The following GAREM2 variants were observed in gnomAD, a reference collection of about 807,000 sequenced individuals.
GAREM2 encodes GRB2-associated and regulator of MAPK protein 2.
GAREM2 carries 30 observed loss-of-function variants against 55.6 expected under a neutral mutation model. That is an observed-to-expected ratio of 0.54 (90% CI 0.40 to 0.73). The LOEUF (loss-of-function observed/expected upper bound fraction) is 0.73, where lower values mean the gene tolerates loss of function less well. Among genes scored for constraint, GAREM2 ranks in the 30% least tolerant of loss-of-function variants. The probability of loss-of-function intolerance (pLI) is 0.00; values close to 1 mark genes in which losing one functional copy is unlikely to be tolerated. For missense variants in GAREM2, 1,075 were observed against 1,257.7 expected (o/e 0.85, Z 2.20); for synonymous variants, 550 against 569.1 (o/e 0.97, Z 0.48).
At chr2:26,191,437 G>A (rs766306913), downstream of GAREM2, 59 of 1,614,004 alleles carry the variant, frequency 3.7e-5, no homozygotes, top group South Asian at 1.3e-4. Context: ...GACGCAACAC[G>A]GGCTCCAGGC....
chr2:26,174,835 G>C (rs909995249), intron 1 of GAREM2, among the ~76,000 whole-genome samples: 3 of 152,220 alleles, frequency 2.0e-5, no homozygotes, highest in Admixed American at 6.5e-5. Context: ...ATCTGTCACT[G>C]TGGGCTATTG....
Position 26,186,295 on chromosome 2 carries a change from A to G in GAREM2, c.1535A>G (p.Lys512Arg), listed in dbSNP as rs1270082856. Residue 512 changes from lysine to arginine, a missense_variant, in exon 5 of 6, where the codon AAG (lysine) becomes AGG (arginine). Transcript: ENST00000401533. ...SSPPVPPRFP[K>R]LQPVHSPSSS... ...CCCCCGGTTCCCCCTCGCTTCCCCA[A>G]GCTGCAGCCGGTACATTCCCCCAGC... The G allele has an allele frequency of 1.2e-5, 19 of 1,551,352 alleles. No individual in the cohort carries two copies. The highest frequency in any genetic ancestry group is 2.7e-5 in the African/African-American group (2 of 72,990).
the GAREM2 span, chr2:26,194,956 C>A: frequency 1.2e-6 from 1 of 842,780 alleles, no homozygotes; most frequent in Non-Finnish European, 2.1e-6. Context: ...CACCGTCCAT[C>A]CTGGAGACAA....
chr2:26,203,913 G>A, the GAREM2 span: 33 of 787,724 alleles, frequency 4.2e-5, no homozygotes, highest in Middle Eastern at 3.7e-4. Flanking sequence ...GCTTCACTAC[G>A]GAGTATCTAG....
intron 1 of GAREM2, 35 bp downstream of exon 1, chr2:26,173,367 G>A (rs1325002808): frequency 4.2e-5 from 51 of 1,204,134 alleles, no homozygotes; most frequent in Admixed American, 9.7e-5. Flanking sequence ...ACCGGGGTCC[G>A]CGGGGAAATG....
chr2:26,191,002 C>CTAG (rs1669479392), downstream of GAREM2: 1 of 580,302 alleles, frequency 1.7e-6, no homozygotes, highest in Non-Finnish European at 3.1e-6. Context: ...GGCTGCCACT[C>CTAG]TAGGCCTCGG....
chr2:26,177,153 G>A (rs1668890427), intron 2 of GAREM2, among the ~76,000 whole-genome samples: 1 of 152,178 alleles, frequency 6.6e-6, no homozygotes. Flanking sequence ...GGAAGGCTTG[G>A]GGGAGGAGGT....
At chr2:26,175,107 C>CTA (rs1297862522) in intron 1 of GAREM2, among the ~76,000 whole-genome samples, 1 of 152,098 alleles carries the variant, frequency 6.6e-6, no homozygotes, top group Non-Finnish European at 1.5e-5. Flanking sequence ...ACACACACGC[C>CTA]TACCCCACAT....
rs1277575791 is a variant in GAREM2 at position 26,188,263 on chromosome 2, CCAGCTGGAGCTGCA to C, written c.*15_*28del. ...GCTGGAGGCCCAAGATCTGAACTGC[CCAGCTGGAGCTGCA>C]CAGCTGGAATGCTGGTATGGGGGCC... On this transcript the variant is annotated 3_prime_UTR_variant, in exon 6 of 6. Transcript: ENST00000401533. 4 of 1,449,420 alleles carry C rather than the reference CCAGCTGGAGCTGCA, an allele frequency of 2.8e-6. No homozygotes were observed. The highest frequency in any genetic ancestry group is 1.8e-4 in the Middle Eastern group (1 of 5,500). The allele number at this position is 1,449,420 out of a possible 1,614,324, so 89.8% of individuals were successfully genotyped here.
At chr2:26,193,524 G>C, downstream of GAREM2, 1 of 1,431,158 alleles carries the variant, frequency 7.0e-7, no homozygotes, top group Non-Finnish European at 9.9e-7. Flanking sequence ...CTCAGGAACT[G>C]CTTAGAACTT....
the GAREM2 span, among the ~76,000 whole-genome samples, chr2:26,202,643 AG>A: frequency 1.3e-5 from 2 of 152,248 alleles, no homozygotes; most frequent in African/African-American, 4.8e-5. Context: ...CGTGAGGCTG[AG>A]GCATGAGAAT....
chr2:26,204,204 G>A, the GAREM2 span: 8 of 1,613,504 alleles, frequency 5.0e-6, no homozygotes, highest in African/African-American at 1.3e-5. Context: ...TGCCTGCAAG[G>A]CAAGGATGAA....
At chr2:26,197,510 TACTTA>T in the GAREM2 span, among the ~76,000 whole-genome samples, 1 of 152,246 alleles carries the variant, frequency 6.6e-6, no homozygotes, top group Non-Finnish European at 1.5e-5. Context: ...TTTTTTGTTG[TACTTA>T]ACTTACTCCT....
downstream of GAREM2, chr2:26,191,219 G>A (rs772715149): frequency 5.6e-6 from 9 of 1,608,276 alleles, no homozygotes; most frequent in African/African-American, 2.7e-5. Flanking sequence ...GCTGGGGTTA[G>A]TGCACTGACT....
chr2:26,196,486 C>T, the GAREM2 span, among the ~76,000 whole-genome samples: 58 of 152,290 alleles, frequency 3.8e-4, no homozygotes, highest in African/African-American at 1.3e-3. Context: ...CATATAATCA[C>T]TAACCCAAGC....
the GAREM2 span, among the ~76,000 whole-genome samples, chr2:26,201,967 T>C: frequency 4.0e-5 from 6 of 150,602 alleles, no homozygotes; most frequent in African/African-American, 1.5e-4. Context: ...GCTAATTTTT[T>C]TTTTTTTTTT....
rs760790718 is a variant in GAREM2 at position 26,186,234 on chromosome 2, C to T, written c.1474C>T (p.Arg492Trp). The part of the protein sequence containing the change: ...RLLNAPPVPP[R>W]GGNGSGRLSS... ...GCTCAATGCCCCTCCAGTGCCTCCC[C>T]GGGGTGGCAATGGCAGCGGCCGGCT... Residue 492 changes from arginine (R) to tryptophan (W), a missense_variant, in exon 5 of 6, where the codon CGG becomes TGG. Around this residue, in one of 6 missense-constraint regions of GAREM2, gnomAD observed 515 missense variants for 501.5 expected, o/e 1.03. Transcript: ENST00000401533. 4.5e-6 allele frequency: 7 copies of T among 1,546,134 alleles called. No homozygotes were observed. Among genetic ancestry groups the T allele is most frequent in the South Asian group, 3.6e-5 (3 of 83,304 alleles).
chr2:26,177,069 A>C (rs116318759), intron 2 of GAREM2, among the ~76,000 whole-genome samples: 342 of 152,346 alleles, frequency 2.2e-3, no homozygotes, highest in African/African-American at 8.1e-3. Context: ...TTGACATATA[A>C]TAAGATTTTG....
the GAREM2 span, chr2:26,197,652 A>T: frequency 1.1e-6 from 1 of 903,406 alleles, no homozygotes; most frequent in Non-Finnish European, 1.9e-6. Flanking sequence ...AATCTGAAGC[A>T]ATAAAACATC....
Sources: gnomAD v4.1 joint callset for allele counts (sites outside exome capture counted in the v4.1 genomes callset) on GRCh38, gnomAD v4.1.1 for gene constraint, gnomAD v4.1.1 regional missense constraint, MANE v1.5 for transcripts, NCBI Gene and HGNC (gene_info 2026-07-23, HGNC 2026-07-21) for gene names.